Variants in IGSF11 observed in about 807,000 individuals in gnomAD.
IGSF11 encodes the protein immunoglobulin superfamily member 11.
A neutral mutation model predicts 41.0 loss-of-function variants in IGSF11; 22 were observed. That is an observed-to-expected ratio of 0.54 (90% CI 0.38 to 0.77). The LOEUF is 0.77. Ranked by LOEUF, IGSF11 falls within the 30% of genes least tolerant of loss-of-function variation. IGSF11 has a pLI of 0.00. For missense variants in IGSF11, 444 were observed against 530.8 expected (o/e 0.84, Z 1.61); for synonymous variants, 219 against 201.3 (o/e 1.09, Z -0.74).
chr3:119,040,223 T>G (rs901961953), intron 1 of IGSF11, among the ~76,000 whole-genome samples: 11 of 152,152 alleles, frequency 7.2e-5, no homozygotes, highest in African/African-American at 2.7e-4. Flanking sequence ...ACTGTCTCAT[T>G]TGATCTTGTG....
In IGSF11 at chr3:119,034,831, G is replaced by A. The variant is rs1323325058; in HGVS notation, c.-249C>T. 2 of 1,246,970 alleles carry A rather than the reference G, an allele frequency of 1.6e-6. No homozygotes were observed. The highest frequency in any genetic ancestry group is 2.0e-6 in the Non-Finnish European group (2 of 995,090). 77.2% of individuals were successfully genotyped at this position (1,246,970 alleles called of 1,614,324 possible). On this transcript the variant is annotated 5_prime_UTR_variant, in exon 1 of 7. Coordinates refer to ENST00000393775, the MANE Select transcript of IGSF11 (RefSeq NM_001015887.3). ...CCGGGCTCGCCAGCCGTGCCACCCAGCCCTGCCCCAGGACTAGCCGACCCC... is the reference window on the plus strand; with the variant it reads ...CCGGGCTCGCCAGCCGTGCCACCCAACCCTGCCCCAGGACTAGCCGACCCC...
chr3:119,106,092 C>G (rs1254000703), upstream of IGSF11, among the ~76,000 whole-genome samples: 4 of 152,122 alleles, frequency 2.6e-5, no homozygotes, highest in African/African-American at 7.2e-5. Context: ...CCTGCATCCT[C>G]TTGATTTATT....
chr3:118,916,328 C>G (rs891829824), intron 4 of IGSF11, among the ~76,000 whole-genome samples: 25 of 152,106 alleles, frequency 1.6e-4, no homozygotes, highest in African/African-American at 4.3e-4. Context: ...GATAAAGAGT[C>G]AAGACCCATC....
At chr3:119,036,708 A>T (rs548578503), upstream of IGSF11, among the ~76,000 whole-genome samples, 723 of 152,268 alleles carry the variant, frequency 4.7e-3, 15 homozygotes, top group African/African-American at 0.017. Context: ...AAAAAAAAAA[A>T]AATGACCCCT....
chr3:118,931,737 A>AT (rs35532396), intron 1 of IGSF11, among the ~76,000 whole-genome samples: 53,962 of 142,754 alleles, frequency 0.38, 10,829 homozygotes, highest in Admixed American at 0.49. Context: ...AAAGTCACTG[A>AT]TTTTTTTTTT....
chr3:119,116,255 CT>C (rs932847050), intron 1 of IGSF11, among the ~76,000 whole-genome samples: 3 of 151,466 alleles, frequency 2.0e-5, no homozygotes, highest in African/African-American at 4.9e-5. Flanking sequence ...GGAATATGCT[CT>C]TTTTTTTTCC....
intron 1 of IGSF11, among the ~76,000 whole-genome samples, chr3:119,113,147 A>G (rs888033052): frequency 2.0e-5 from 3 of 152,194 alleles, no homozygotes; most frequent in Non-Finnish European, 4.4e-5. Flanking sequence ...ATAATTTGAC[A>G]TGAGATTTGG....
At chr3:119,076,576 A>G (rs2076503375) in intron 1 of IGSF11, among the ~76,000 whole-genome samples, 1 of 152,096 alleles carries the variant, frequency 6.6e-6, no homozygotes, top group South Asian at 2.1e-4. Context: ...AAAAAAACAA[A>G]CAACCCCATC....
chr3:119,110,009 A>G (rs1293704541), upstream of IGSF11, among the ~76,000 whole-genome samples: 1 of 152,126 alleles, frequency 6.6e-6, no homozygotes, highest in Admixed American at 6.5e-5. Context: ...TTTACTTCCA[A>G]CTATGTGGTC....
intron 1 of IGSF11, among the ~76,000 whole-genome samples, chr3:119,070,936 C>G (rs916088007): frequency 1.3e-5 from 2 of 152,166 alleles, no homozygotes; most frequent in African/African-American, 4.8e-5. Flanking sequence ...ATTATTTTTC[C>G]TTTCCTCTAA....
At chr3:119,138,777 A>G (rs2077598584) in intron 1 of IGSF11, among the ~76,000 whole-genome samples, 1 of 152,228 alleles carries the variant, frequency 6.6e-6, no homozygotes, top group African/African-American at 2.4e-5. Flanking sequence ...CAGAAAGACA[A>G]ATTTCACATG....
chr3:118,986,221 G>C, intron 1 of IGSF11, among the ~76,000 whole-genome samples: 1 of 152,096 alleles, frequency 6.6e-6, no homozygotes, highest in East Asian at 1.9e-4. Context: ...CGCTGAATGA[G>C]AGCAAGTGCC....
chr3:119,136,196 AGT>A (rs1289497958), intron 1 of IGSF11, among the ~76,000 whole-genome samples: 2 of 152,158 alleles, frequency 1.3e-5, no homozygotes, highest in Non-Finnish European at 2.9e-5. Flanking sequence ...CATGTACCCT[AGT>A]ACTTAAAGTA....
intron 1 of IGSF11, among the ~76,000 whole-genome samples, chr3:119,026,341 T>C (rs1292877429): frequency 6.6e-6 from 1 of 152,214 alleles, no homozygotes; most frequent in African/African-American, 2.4e-5. Context: ...AAAGAGAATC[T>C]AACATTCTAT....
chr3:119,097,729 T>G (rs1399844204), intron 1 of IGSF11, among the ~76,000 whole-genome samples: 1 of 152,092 alleles, frequency 6.6e-6, no homozygotes, highest in Non-Finnish European at 1.5e-5. Context: ...ATTACAAACC[T>G]CAAGAGAAAG....
chr3:119,132,624 G>A (rs112458753), intron 1 of IGSF11, among the ~76,000 whole-genome samples: 5 of 152,168 alleles, frequency 3.3e-5, no homozygotes, highest in African/African-American at 1.2e-4. Context: ...ATAATAATGG[G>A]AGACTTTAAC....
intron 1 of IGSF11, among the ~76,000 whole-genome samples, chr3:119,020,916 G>A (rs1460850468): frequency 6.6e-6 from 1 of 152,122 alleles, no homozygotes; most frequent in African/African-American, 2.4e-5. Context: ...CTGTAGTTAT[G>A]TAAGTATAAA....
At chr3:118,940,968 A>T (rs781065757) in intron 1 of IGSF11, among the ~76,000 whole-genome samples, 1 of 151,400 alleles carries the variant, frequency 6.6e-6, no homozygotes, top group Non-Finnish European at 1.5e-5. Flanking sequence ...AATTAACTCA[A>T]AATAGATAAA....
At chr3:118,924,087 T>TG (rs1433283912) in intron 4 of IGSF11, among the ~76,000 whole-genome samples, 2 of 152,094 alleles carry the variant, frequency 1.3e-5, no homozygotes, top group Admixed American at 6.6e-5. Context: ...CATCATACTG[T>TG]GAAAAAAAAC....
Sources: gnomAD v4.1 joint callset for allele counts (sites outside exome capture counted in the v4.1 genomes callset) on GRCh38, gnomAD v4.1.1 for gene constraint, MANE v1.5 for transcripts, NCBI Gene and HGNC (gene_info 2026-07-23, HGNC 2026-07-21) for gene names.